The following PIP5K1B variants were observed in gnomAD, a reference collection of about 807,000 sequenced individuals.
The protein encoded by PIP5K1B is phosphatidylinositol-4-phosphate 5-kinase type 1 beta, also known as phosphatidylinositol 4-phosphate 5-kinase type-1 beta.
A neutral mutation model predicts 67.0 loss-of-function variants in PIP5K1B; 42 were observed. The observed-to-expected ratio is 0.63, with a 90% CI of 0.49 to 0.81. The LOEUF is 0.81. Ranked by LOEUF, PIP5K1B falls within the 30% of genes least tolerant of loss-of-function variation. The probability of loss-of-function intolerance (pLI) is 0.00; values close to 1 mark genes in which losing one functional copy is unlikely to be tolerated. For synonymous variants in PIP5K1B, 214 were observed against 231.4 expected, an observed-to-expected ratio of 0.92 and a Z score of 0.68; for missense variants, 459 against 646.3, an observed-to-expected ratio of 0.71 and a Z score of 3.14.
intron 2 of PIP5K1B, among the ~76,000 whole-genome samples, chr9:68,764,118 T>A (rs1005338078): frequency 6.7e-6 from 1 of 148,822 alleles, no homozygotes; most frequent in Non-Finnish European, 1.5e-5. Context: ...TCACCTTTGT[T>A]TCAGCATGCT....
intron 14 of PIP5K1B, among the ~76,000 whole-genome samples, chr9:68,978,198 T>C (rs1829721687): frequency 6.6e-6 from 1 of 152,204 alleles, no homozygotes; most frequent in East Asian, 1.9e-4. Context: ...CAATACGTGA[T>C]TATTAACTAT....
At chr9:68,827,142 C>G (rs1834029767) in intron 4 of PIP5K1B, among the ~76,000 whole-genome samples, 1 of 152,164 alleles carries the variant, frequency 6.6e-6, no homozygotes, top group Non-Finnish European at 1.5e-5. Context: ...GGCACAGAAA[C>G]AGGGAGGAGC....
At chr9:68,908,330 C>G (rs1825708884) in intron 8 of PIP5K1B, among the ~76,000 whole-genome samples, 1 of 151,442 alleles carries the variant, frequency 6.6e-6, no homozygotes. Context: ...GCATAGGAAG[C>G]TGGTGAATAT....
chr9:68,860,465 C>T (rs11144027), intron 4 of PIP5K1B, among the ~76,000 whole-genome samples: 36,165 of 152,032 alleles, frequency 0.24, 4,710 homozygotes, highest in Non-Finnish European at 0.3. Flanking sequence ...CAAGTTTTTC[C>T]TTGGCTTACC....
intron 4 of PIP5K1B, among the ~76,000 whole-genome samples, chr9:68,828,786 T>C (rs1239675940): frequency 6.6e-6 from 1 of 152,110 alleles, no homozygotes; most frequent in Non-Finnish European, 1.5e-5. Context: ...TGTAAACCTT[T>C]CTATGGCCGA....
chr9:68,939,941 T>C (rs981887533), intron 13 of PIP5K1B, among the ~76,000 whole-genome samples: 11 of 152,184 alleles, frequency 7.2e-5, no homozygotes, highest in Non-Finnish European at 1.0e-4. Context: ...CCACATAGAC[T>C]CCAGAGAGAT....
At chr9:68,784,515 A>G (rs79082283) in intron 2 of PIP5K1B, 442 of 166,736 alleles carry the variant, frequency 2.7e-3, no homozygotes, top group Admixed American at 4.8e-3. Flanking sequence ...CCAGTGATTC[A>G]CATTTATTAG....
chr9:68,815,645 C>A (rs1287702363), intron 2 of PIP5K1B, among the ~76,000 whole-genome samples: 1 of 151,604 alleles, frequency 6.6e-6, no homozygotes, highest in Admixed American at 6.6e-5. Context: ...GAGTTATAAA[C>A]AGAAAAAAAC....
At chr9:68,855,668 C>T (rs1213218110) in intron 4 of PIP5K1B, among the ~76,000 whole-genome samples, 2 of 152,160 alleles carry the variant, frequency 1.3e-5, no homozygotes, top group Admixed American at 6.5e-5. Context: ...TCAAATCCAC[C>T]TCCTCTGCCC....
chr9:68,788,229 G>T, intron 2 of PIP5K1B: 1 of 397,482 alleles, frequency 2.5e-6, no homozygotes. Context: ...GACTGTCCTA[G>T]GAGACAGGCC....
intron 3 of PIP5K1B, among the ~76,000 whole-genome samples, chr9:68,822,180 G>A (rs571711357): frequency 6.6e-6 from 1 of 152,256 alleles, no homozygotes; most frequent in South Asian, 2.1e-4. Flanking sequence ...TGTAGCCTGG[G>A]CACGGTGGCA....
At chr9:68,981,291 T>C (rs545954456) in intron 14 of PIP5K1B, among the ~76,000 whole-genome samples, 1 of 152,112 alleles carries the variant, frequency 6.6e-6, no homozygotes, top group Non-Finnish European at 1.5e-5. Flanking sequence ...AAAATATAAA[T>C]AGCAAATGTT....
intron 14 of PIP5K1B, among the ~76,000 whole-genome samples, chr9:68,959,854 G>A (rs2132736079): frequency 6.6e-6 from 1 of 152,268 alleles, no homozygotes; most frequent in South Asian, 2.1e-4. Flanking sequence ...GGATATTTCA[G>A]CAGAGTTACT....
At chr9:68,859,989 G>A (rs1462510558) in intron 4 of PIP5K1B, among the ~76,000 whole-genome samples, 1 of 152,014 alleles carries the variant, frequency 6.6e-6, no homozygotes, top group Non-Finnish European at 1.5e-5. Flanking sequence ...GTTGTGAAAT[G>A]GCTCTGTTGA....
chr9:68,767,519 G>A (rs1224814476), intron 2 of PIP5K1B, among the ~76,000 whole-genome samples: 2 of 150,916 alleles, frequency 1.3e-5, no homozygotes, highest in Admixed American at 6.6e-5. Flanking sequence ...GCTTGAACCT[G>A]GGAGGTGGAA....
intron 15 of PIP5K1B, among the ~76,000 whole-genome samples, chr9:68,993,168 A>T (rs1158610032): frequency 2.6e-5 from 4 of 151,660 alleles, no homozygotes; most frequent in Non-Finnish European, 4.4e-5. Flanking sequence ...TCTCCAAAAA[A>T]AAAAAAGTCC....
intron 14 of PIP5K1B, among the ~76,000 whole-genome samples, chr9:68,952,894 G>A (rs1045362129): frequency 5.3e-5 from 8 of 150,102 alleles, no homozygotes; most frequent in Middle Eastern, 3.4e-3. Context: ...TATTATTGCA[G>A]AAACCTGTAA....
Position 68,737,822 on chromosome 9 carries a change from T to C in PIP5K1B, c.-242-4679T>C, listed in dbSNP as rs563372286. The stretch of plus-strand genomic sequence containing the variant: ...CCAGAGAAGAGATTGCATTGATCCT[T>C]AGGAACCAGCATAAATCTACTAATG... On this transcript the variant is annotated intron_variant, in intron 1 of 15. Transcript: ENST00000265382. Among the ~76,000 whole-genome samples, 3 of 152,360 alleles carry C rather than the reference T, an allele frequency of 2.0e-5. No homozygotes were observed. The South Asian group carries it at 6.2e-4, about 32-fold the overall frequency.
intron 12 of PIP5K1B, 97 bp from the exon 13 acceptor site, chr9:68,934,793 T>C: frequency 1.2e-6 from 1 of 863,948 alleles, no homozygotes; most frequent in Non-Finnish European, 1.6e-6. Context: ...AAATAATAAC[T>C]AAAATGTTAA....
Sources: allele counts gnomAD v4.1 joint callset (sites outside exome capture counted in the v4.1 genomes callset), GRCh38; gene constraint gnomAD v4.1.1; transcripts MANE v1.5; gene names NCBI Gene and HGNC (gene_info 2026-07-23, HGNC 2026-07-21).